HOMER2: variants seen among roughly 807,000 people sequenced by gnomAD.
The protein encoded by HOMER2 is homer protein homolog 2.
HOMER2 carries 27 observed loss-of-function variants against 47.0 expected under a neutral mutation model. The ratio of observed to expected loss-of-function variants is 0.57; its 90% confidence interval spans 0.42 to 0.79. The LOEUF (loss-of-function observed/expected upper bound fraction) is 0.79, where lower values mean the gene tolerates loss of function less well. Among genes scored for constraint, HOMER2 ranks in the 30% least tolerant of loss-of-function variants. The pLI, the probability that HOMER2 is intolerant of heterozygous loss-of-function variation, is 0.00. For synonymous variants in HOMER2, 161 were observed against 163.8 expected (o/e 0.98, Z 0.13); for missense variants, 443 against 435.0 (o/e 1.02, Z -0.16).
In HOMER2 at chr15:82,981,581, T is replaced by C. The variant is rs373205672; in HGVS notation, n.82+4206A>G. Among the ~76,000 whole-genome samples, 245 of 152,362 alleles carry C rather than the reference T, an allele frequency of 1.6e-3. 1 individual carries two copies. The highest frequency in any genetic ancestry group is 3.1e-3 in the Non-Finnish European group (211 of 68,034). On this transcript the variant is annotated intron_variant and non_coding_transcript_variant, in intron 1 of 1. Transcript: ENST00000500334. ...TGTATCTATAATCACAGATGCATTA[T>C]TCACAATAGCCAAAAGGAGGAAGAA...
At chr15:82,944,371 T>C (rs1468793283) in intron 1 of HOMER2, among the ~76,000 whole-genome samples, 1 of 152,182 alleles carries the variant, frequency 6.6e-6, no homozygotes, top group Non-Finnish European at 1.5e-5. Flanking sequence ...TAACAAGCAG[T>C]GCTTAAAAGA....
intron 2 of HOMER2, among the ~76,000 whole-genome samples, chr15:82,882,253 T>G (rs1596322608): frequency 1.2e-5 from 1 of 84,142 alleles, no homozygotes; most frequent in East Asian, 5.9e-4. Context: ...GACCCTGCTG[T>G]CCTTCTGTGG....
intron 1 of HOMER2, among the ~76,000 whole-genome samples, chr15:82,978,376 T>C (rs866148795): frequency 6.6e-6 from 1 of 152,068 alleles, no homozygotes; most frequent in Non-Finnish European, 1.5e-5. Flanking sequence ...ATGAAAGACA[T>C]AAAGAATAAT....
At chr15:82,949,694 T>A (rs1372343308) in intron 1 of HOMER2, among the ~76,000 whole-genome samples, 1 of 151,544 alleles carries the variant, frequency 6.6e-6, no homozygotes, top group East Asian at 1.9e-4. Context: ...GGGAGGGAGA[T>A]CTCCTTTTTA....
intron 1 of HOMER2, among the ~76,000 whole-genome samples, chr15:82,946,241 C>A (rs1432641366): frequency 6.6e-6 from 1 of 152,230 alleles, no homozygotes; most frequent in Non-Finnish European, 1.5e-5. Context: ...ATATTTCCAG[C>A]GAACTGTGCG....
At chr15:82,841,452 T>C (rs945485715) in exon 2 of HOMER2, 1 of 152,176 alleles carries the variant, frequency 6.6e-6, no homozygotes, top group African/African-American at 2.4e-5. Flanking sequence ...AACCTGAATG[T>C]ATAATTCAAA....
intron 3 of HOMER2, among the ~76,000 whole-genome samples, chr15:82,873,457 C>T (rs767284287): frequency 2.0e-5 from 3 of 152,182 alleles, no homozygotes; most frequent in Non-Finnish European, 2.9e-5. Flanking sequence ...ATTCTCAGCT[C>T]CTCCCAGGTA....
intron 1 of HOMER2, among the ~76,000 whole-genome samples, chr15:82,901,424 C>G (rs983919304): frequency 2.0e-5 from 3 of 152,158 alleles, no homozygotes; most frequent in African/African-American, 7.2e-5. Context: ...ATAAAACTCA[C>G]TAGCAACATA....
intron 1 of HOMER2, among the ~76,000 whole-genome samples, chr15:82,941,697 A>G (rs2054270637): frequency 1.3e-5 from 2 of 151,858 alleles, no homozygotes; most frequent in East Asian, 1.9e-4. Context: ...TCACAGGATT[A>G]ACTCCCAACA....
At chr15:82,854,566 A>G in intron 6 of HOMER2, 78 bp downstream of exon 6, 3 of 1,455,288 alleles carry the variant, frequency 2.1e-6, no homozygotes, top group Non-Finnish European at 2.8e-6. Context: ...GGGGAGGGAG[A>G]AAAAGGGTTG....
At chr15:82,858,341 G>C (rs1298312698) in intron 5 of HOMER2, among the ~76,000 whole-genome samples, 1 of 151,854 alleles carries the variant, frequency 6.6e-6, no homozygotes, top group Non-Finnish European at 1.5e-5. Flanking sequence ...CCAAGCTGGA[G>C]TGTGGTGGTG....
chr15:82,954,796 T>C (rs1457730956), upstream of HOMER2, among the ~76,000 whole-genome samples: 1 of 152,090 alleles, frequency 6.6e-6, no homozygotes, highest in African/African-American at 2.4e-5. Flanking sequence ...GTTGTTGTTG[T>C]TGAGACAGAG....
rs995716471 is a variant in HOMER2 at position 82,919,183 on chromosome 15, A to G, written c.6-26342T>C. ...GGAAACACTGACCTAGATTACACCA[A>G]TAGCCCCTCTGTGCTTCTGGATCTC... On this transcript the variant is annotated intron_variant, in intron 1 of 8. Transcript: ENST00000450735. 2.6e-5 allele frequency among the ~76,000 whole-genome samples: 4 copies of G among 152,324 alleles called. No individual in the cohort carries two copies. In the East Asian group the frequency reaches 7.7e-4, roughly 29 times the overall value.
At chr15:82,901,464 C>G (rs1490715956) in intron 1 of HOMER2, among the ~76,000 whole-genome samples, 3 of 152,134 alleles carry the variant, frequency 2.0e-5, no homozygotes, top group South Asian at 4.1e-4. Context: ...AAACAGCACC[C>G]CTGAACCCCT....
At chr15:82,932,285 A>G (rs2054031712) in intron 1 of HOMER2, among the ~76,000 whole-genome samples, 1 of 152,236 alleles carries the variant, frequency 6.6e-6, no homozygotes, top group East Asian at 1.9e-4. Flanking sequence ...ACTTGAGGTC[A>G]GGAGTTTGCG....
At chr15:82,931,321 C>T (rs1053565049) in intron 1 of HOMER2, among the ~76,000 whole-genome samples, 3 of 152,160 alleles carry the variant, frequency 2.0e-5, no homozygotes, top group Admixed American at 6.5e-5. Context: ...CTGACACTGC[C>T]ATTCTTAGTG....
At position 82,849,927 on chromosome 15, in the gene HOMER2, G is replaced by T. The variant is rs41310974; in HGVS notation, c.844-24C>A. 2.2e-5 allele frequency: 36 copies of T among 1,607,694 alleles called. No homozygotes were observed. The East Asian group carries it at 8.0e-4, about 36-fold the overall frequency. ...GCCTGGCCAAGCAAAAGGGAGAAGG[G>T]TCTAGAAAACTGAGTGACGAGAGTC... On this transcript the variant is annotated intron_variant, in intron 8 of 8. Coordinates refer to ENST00000450735, the MANE Select transcript of HOMER2 (RefSeq NM_004839.4).
At chr15:82,866,440 C>T (rs913383369) in intron 3 of HOMER2, among the ~76,000 whole-genome samples, 12 of 152,086 alleles carry the variant, frequency 7.9e-5, no homozygotes, top group South Asian at 6.2e-4. Flanking sequence ...CAGATGAGAC[C>T]GGACTGTGGA....
chr15:82,857,831 CCT>C (rs922201403), intron 5 of HOMER2, among the ~76,000 whole-genome samples: 97 of 152,308 alleles, frequency 6.4e-4, no homozygotes, highest in African/African-American at 2.2e-3. Flanking sequence ...AGCAGAAAGC[CCT>C]GAGTGTGCTC....
Sources: allele counts gnomAD v4.1 joint callset (sites outside exome capture counted in the v4.1 genomes callset), GRCh38; gene constraint gnomAD v4.1.1; transcripts MANE v1.5; gene names NCBI Gene and HGNC (gene_info 2026-07-23, HGNC 2026-07-21).